Variants in SAMD12 observed in about 807,000 individuals in gnomAD.
SAMD12 encodes the protein sterile alpha motif domain-containing protein 12.
In SAMD12, 9 loss-of-function variants were observed where a neutral mutation model predicts 15.0. The observed-to-expected ratio is 0.60, with a 90% CI of 0.36 to 1.05. SAMD12 has a LOEUF of 1.05. Ranked by LOEUF, SAMD12 falls within the 50% of genes least tolerant of loss-of-function variation. The pLI, the probability that SAMD12 is intolerant of heterozygous loss-of-function variation, is 0.01. For synonymous variants in SAMD12, 86 were observed against 90.1 expected (o/e 0.96, Z 0.25); for missense variants, 230 against 234.2 (o/e 0.98, Z 0.12).
At chr8:118,543,616 T>G (rs1826043233) in intron 2 of SAMD12, among the ~76,000 whole-genome samples, 1 of 138,682 alleles carries the variant, frequency 7.2e-6, no homozygotes, top group Non-Finnish European at 1.5e-5. Context: ...TTTTTTTTCT[T>G]TTCTTTCTTT....
At position 118,415,448 on chromosome 8, in the gene SAMD12, G is replaced by GGTGTGTGTGTGTGTGT. The variant is rs58176749; in HGVS notation, c.322+24368_322+24383dup. Among the ~76,000 whole-genome samples the GGTGTGTGTGTGTGTGT allele has an allele frequency of 1.4e-3, 198 of 142,942 alleles. 2 individuals are homozygous for GGTGTGTGTGTGTGTGT. The highest frequency in any genetic ancestry group is 4.1e-3 in the Admixed American group (59 of 14,218). 93.8% of individuals were successfully genotyped at this position (142,942 alleles called of 152,430 possible). ...AAGTAAATAAATAACCTTGTCCTAA[G>GGTGTGTGTGTGTGTGT]GTGTGTGTGTGTGTGTGTGTGTGTG... is the stretch of plus-strand genomic sequence containing the variant. On this transcript the variant is annotated intron_variant, in intron 3 of 3. Coordinates refer to ENST00000314727, the MANE Select transcript of SAMD12 (RefSeq NM_207506.3).
exon 5 of SAMD12, chr8:118,196,368 C>T (rs1176795566): frequency 1.3e-5 from 2 of 152,148 alleles, no homozygotes; most frequent in African/African-American, 4.8e-5. Context: ...ATTCAACCAA[C>T]TTGATATTTT....
intron 4 of SAMD12, among the ~76,000 whole-genome samples, chr8:118,202,391 AGG>A (rs1200964348): frequency 6.6e-6 from 1 of 152,140 alleles, no homozygotes; most frequent in East Asian, 1.9e-4. Flanking sequence ...CTGCTTGCCA[AGG>A]CCACTTTGGG....
At chr8:118,144,754 AT>A in the SAMD12 span, among the ~76,000 whole-genome samples, 23 of 152,160 alleles carry the variant, frequency 1.5e-4, no homozygotes, top group Non-Finnish European at 2.8e-4. Context: ...CTCACTAGAA[AT>A]TCTGAGATTG....
rs569103025 is a variant in SAMD12, at chr8:118,256,997, C to T, written c.434-59265G>A. 1.1e-4 allele frequency among the ~76,000 whole-genome samples: 17 copies of T among 152,116 alleles called. No homozygotes were observed. In the East Asian group the frequency reaches 1.9e-3, roughly 17 times the overall value. On this transcript the variant is annotated intron_variant, in intron 4 of 4. Transcript: ENST00000409003. ...TTACTAATCGTGAGCTCTACTTGAG[C>T]CCAAGTCATCTTATAACACTCTACT...
chr8:118,550,830 G>A (rs1012202911), intron 2 of SAMD12, among the ~76,000 whole-genome samples: 2 of 151,266 alleles, frequency 1.3e-5, no homozygotes, highest in Admixed American at 1.3e-4. Context: ...AAGGATGGAG[G>A]AAGATCTACC....
chr8:118,214,380 A>G (rs976618313), intron 4 of SAMD12, among the ~76,000 whole-genome samples: 3 of 152,196 alleles, frequency 2.0e-5, no homozygotes, highest in Non-Finnish European at 2.9e-5. Flanking sequence ...AACATGCAGC[A>G]GCCTGCATGC....
intron 3 of SAMD12, among the ~76,000 whole-genome samples, chr8:118,401,951 A>G (rs1315363079): frequency 3.3e-5 from 5 of 152,212 alleles, no homozygotes; most frequent in Non-Finnish European, 5.9e-5. Flanking sequence ...AGCTTACTTG[A>G]GGGTGATTTA....
chr8:118,276,523 G>A (rs1813478711), intron 4 of SAMD12, among the ~76,000 whole-genome samples: 1 of 152,214 alleles, frequency 6.6e-6, no homozygotes. Context: ...GATTTTGTCT[G>A]ATTGTGGATA....
At chr8:118,434,452 A>C (rs757162876) in intron 3 of SAMD12, among the ~76,000 whole-genome samples, 4 of 152,218 alleles carry the variant, frequency 2.6e-5, no homozygotes, top group Non-Finnish European at 4.4e-5. Context: ...GGGAGCTCTG[A>C]GTGCTTCACC....
the SAMD12 span, among the ~76,000 whole-genome samples, chr8:118,173,772 G>C: frequency 6.6e-6 from 1 of 151,462 alleles, no homozygotes; most frequent in African/African-American, 2.4e-5. Flanking sequence ...TGGGACTATA[G>C]GCACGTGCCA....
intron 3 of SAMD12, among the ~76,000 whole-genome samples, chr8:118,388,969 C>A (rs1166001495): frequency 2.0e-5 from 3 of 152,172 alleles, no homozygotes; most frequent in African/African-American, 2.4e-5. Flanking sequence ...GATACCCCTG[C>A]ACTCTTGGTT....
intron 4 of SAMD12, among the ~76,000 whole-genome samples, chr8:118,284,002 G>A (rs1813795624): frequency 6.6e-6 from 1 of 152,130 alleles, no homozygotes; most frequent in Non-Finnish European, 1.5e-5. Flanking sequence ...AAGGTGTGTG[G>A]ACTCATTTTC....
chr8:118,456,563 A>G (rs1012450010), intron 2 of SAMD12, among the ~76,000 whole-genome samples: 2 of 152,216 alleles, frequency 1.3e-5, no homozygotes, highest in African/African-American at 4.8e-5. Context: ...GTACAGAATA[A>G]AACCTTTTCT....
chr8:118,161,978 G>A, the SAMD12 span, among the ~76,000 whole-genome samples: 1 of 151,682 alleles, frequency 6.6e-6, no homozygotes, highest in Non-Finnish European at 1.5e-5. Flanking sequence ...TGGACAACAT[G>A]GTGAAACCCC....
chr8:118,275,979 G>A (rs79887525), intron 4 of SAMD12, among the ~76,000 whole-genome samples: 9,000 of 152,242 alleles, frequency 0.059, 430 homozygotes, highest in East Asian at 0.2. Flanking sequence ...CTATGTTAAT[G>A]CCATGTCTTC....
chr8:118,491,083 G>A (rs566671844), intron 2 of SAMD12, among the ~76,000 whole-genome samples: 1 of 152,232 alleles, frequency 6.6e-6, no homozygotes, highest in East Asian at 1.9e-4. Context: ...ACTATACCCA[G>A]ACTGGTGCCT....
intron 4 of SAMD12, among the ~76,000 whole-genome samples, chr8:118,365,037 C>A (rs777460933): frequency 1.3e-5 from 2 of 152,124 alleles, no homozygotes; most frequent in Non-Finnish European, 2.9e-5. Flanking sequence ...GATTCACAAC[C>A]CTTCTGTAGT....
chr8:118,412,963 G>C lies in SAMD12; in HGVS notation c.322+26869C>G, dbSNP rs747660648. On this transcript the variant is annotated intron_variant, in intron 3 of 3. Transcript: ENST00000314727. ...GCAAATGTGACACAAGTAGAGGCTTGAAAAGGACACGCAAGATTGGGATTC... is the reference window on the plus strand; with the variant it reads ...GCAAATGTGACACAAGTAGAGGCTTCAAAAGGACACGCAAGATTGGGATTC... 3.8e-4 allele frequency among the ~76,000 whole-genome samples: 58 copies of C among 152,104 alleles called. 1 individual carries two copies. The highest frequency in any genetic ancestry group is 8.8e-5 in the Non-Finnish European group (6 of 68,014).
Sources: gnomAD v4.1 joint callset for allele counts (sites outside exome capture counted in the v4.1 genomes callset) on GRCh38, gnomAD v4.1.1 for gene constraint, MANE v1.5 for transcripts, NCBI Gene and HGNC (gene_info 2026-07-23, HGNC 2026-07-21) for gene names.